Variants in ANO4 observed in about 807,000 individuals in gnomAD.
ANO4 encodes anoctamin 4.
ANO4 carries 69 observed loss-of-function variants against 141.9 expected under a neutral mutation model. That is an observed-to-expected ratio of 0.49 (90% CI 0.40 to 0.59). ANO4 has a LOEUF of 0.59. ANO4 is among the 20% of genes least tolerant of loss of function. The pLI is 0.00. For missense variants in ANO4, 894 were observed against 1,162.2 expected, an observed-to-expected ratio of 0.77 and a Z score of 3.36; for synonymous variants, 350 against 394.3, an observed-to-expected ratio of 0.89 and a Z score of 1.33.
chr12:100,975,964 A>G (rs1461851857), intron 7 of ANO4, among the ~76,000 whole-genome samples: 1 of 147,648 alleles, frequency 6.8e-6, no homozygotes, highest in Non-Finnish European at 1.5e-5. Context: ...AACCCACCAG[A>G]TGAAGATTGC....
chr12:101,083,723 C>T lies in ANO4; in HGVS notation c.1441C>T (p.Arg481Trp), dbSNP rs765804915. 9.3e-6 allele frequency: 15 copies of T among 1,608,452 alleles called. No homozygotes were observed. The highest frequency in any genetic ancestry group is 4.0e-5 in the African/African-American group (3 of 74,548). ...TGAAGCCAAGTATTCCAAGAAAGAGCGGATGAATCCAATTTCTGGAAAGCC... is the reference window on the plus strand; with the variant it reads ...TGAAGCCAAGTATTCCAAGAAAGAGTGGATGAATCCAATTTCTGGAAAGCC... ...QFEAKYSKKE[R>W]MNPISGKPEP... Residue 481 changes from arginine to tryptophan, a missense_variant, in exon 16 of 28, where the codon CGG (arginine) becomes TGG (tryptophan). Physicochemically the swap from Arg to Trp is moderately radical, Grantham distance 101 (BLOSUM62 -3). Transcript: ENST00000392977.
intron 1 of ANO4, among the ~76,000 whole-genome samples, chr12:100,888,034 A>G (rs2039923512): frequency 6.6e-6 from 1 of 152,212 alleles, no homozygotes; most frequent in East Asian, 1.9e-4. Flanking sequence ...ATTAAGTATC[A>G]CAGGGTGAGA....
At chr12:101,051,025 A>G (rs1360489268) in intron 14 of ANO4, among the ~76,000 whole-genome samples, 1 of 152,202 alleles carries the variant, frequency 6.6e-6, no homozygotes, top group Non-Finnish European at 1.5e-5. Context: ...GAATTAAATA[A>G]TGGTTTCTTC....
intron 2 of ANO4, among the ~76,000 whole-genome samples, chr12:100,908,125 C>T (rs565769427): frequency 5.9e-5 from 9 of 152,138 alleles, no homozygotes; most frequent in East Asian, 3.9e-4. Flanking sequence ...TTTGGGAGGC[C>T]GAGGCGGGTG....
chr12:100,881,260 T>C (rs1291113025), intron 1 of ANO4, among the ~76,000 whole-genome samples: 1 of 151,488 alleles, frequency 6.6e-6, no homozygotes, highest in Non-Finnish European at 1.5e-5. Flanking sequence ...GTTGTGCACA[T>C]GTACCCTAAA....
At chr12:100,831,788 GA>G (rs1193448404) in intron 1 of ANO4, among the ~76,000 whole-genome samples, 1 of 152,030 alleles carries the variant, frequency 6.6e-6, no homozygotes, top group African/African-American at 2.4e-5. Context: ...ACTTAGCTGT[GA>G]CCCTTTGAAC....
chr12:101,051,880 A>G (rs2047887693), intron 14 of ANO4, among the ~76,000 whole-genome samples: 1 of 152,210 alleles, frequency 6.6e-6, no homozygotes, highest in Admixed American at 6.5e-5. Context: ...AGCCTCATTT[A>G]TCCTGCTTTG....
rs142564504 is a variant in ANO4 at position 100,874,754 on chromosome 12, A to T, written c.-140-26892A>T. Among the ~76,000 whole-genome samples, 871 of 152,154 alleles carry T rather than the reference A, an allele frequency of 5.7e-3. 10 individuals carry two copies. The highest frequency in any genetic ancestry group is 0.02 in the African/African-American group (821 of 41,512). On this transcript the variant is annotated intron_variant, in intron 1 of 27. Coordinates refer to ENST00000392977, the MANE Select transcript of ANO4 (RefSeq NM_001286615.2). ...AGGCTGGTCTCAAACTCCTGGCCTC[A>T]AGTCATCTGCCCGCCTCAGCCTCCC...
At chr12:100,970,663 CTCCTT>C (rs1352768562) in intron 5 of ANO4, among the ~76,000 whole-genome samples, 8 of 91,666 alleles carry the variant, frequency 8.7e-5, no homozygotes, top group South Asian at 4.4e-4. Flanking sequence ...CTCCCTCCCT[CTCCTT>C]CCTTCCTTCC....
intron 1 of ANO4, among the ~76,000 whole-genome samples, chr12:100,831,321 C>G (rs2036620157): frequency 6.6e-6 from 1 of 152,102 alleles, no homozygotes; most frequent in South Asian, 2.1e-4. Flanking sequence ...GACTCCTCCC[C>G]TGTCAAAAAG....
In ANO4 at chr12:100,927,970, G is replaced by A. The variant is rs1394484271; in HGVS notation, c.160+5640G>A. Among the ~76,000 whole-genome samples, 4 of 152,120 alleles carry A rather than the reference G, an allele frequency of 2.6e-5. No individual in the cohort carries two copies. The East Asian group carries it at 7.7e-4, about 29-fold the overall frequency. Reference sequence around the variant, plus strand: ...GTTATCCTGCAGTCTGTTTGTGCTTGCACGTGTGTCTACATAATCATATAG... The same window carrying A: ...GTTATCCTGCAGTCTGTTTGTGCTTACACGTGTGTCTACATAATCATATAG... On this transcript the variant is annotated intron_variant, in intron 3 of 27. Transcript: ENST00000392977.
chr12:100,865,340 A>G (rs966541448), intron 1 of ANO4, among the ~76,000 whole-genome samples: 13 of 152,238 alleles, frequency 8.5e-5, no homozygotes, highest in Admixed American at 7.2e-4. Flanking sequence ...GAACTTCTGC[A>G]CAGCTAAAGA....
chr12:101,063,743 ATCTTTTTT>A (rs1403032018), intron 14 of ANO4, among the ~76,000 whole-genome samples: 8 of 12,092 alleles, frequency 6.6e-4, no homozygotes, highest in Non-Finnish European at 1.3e-3. Context: ...TGTCCAGGTT[ATCTTTTTT>A]TTTTTTTTTT....
intron 14 of ANO4, among the ~76,000 whole-genome samples, chr12:101,071,172 A>G (rs958437746): frequency 3.9e-5 from 6 of 152,164 alleles, no homozygotes; most frequent in African/African-American, 1.4e-4. Context: ...TCAGGTATAT[A>G]TTCAAAAGAA....
rs563522400 is a variant in ANO4, at chr12:100,873,069, A to G, written c.-140-28577A>G. ...GCCTGCTTCCCTTTTGCCTTCTGCC[A>G]TGGTTTTAAGTTTCTTGAGGCCTCC... On this transcript the variant is annotated intron_variant, in intron 1 of 27. Transcript: ENST00000392977. Among the ~76,000 whole-genome samples, 121 of 152,230 alleles carry G rather than the reference A, an allele frequency of 7.9e-4. 1 individual carries two copies. The highest frequency in any genetic ancestry group is 2.8e-3 in the African/African-American group (117 of 41,536).
intron 1 of ANO4, among the ~76,000 whole-genome samples, chr12:100,860,270 C>A (rs1259221249): frequency 3.9e-5 from 6 of 152,086 alleles, no homozygotes; most frequent in Admixed American, 3.9e-4. Context: ...AAAGCTTGGC[C>A]AGTGTATAGT....
chr12:100,808,267 G>A (rs1457085914), intron 1 of ANO4, among the ~76,000 whole-genome samples: 1 of 152,140 alleles, frequency 6.6e-6, no homozygotes, highest in Admixed American at 6.6e-5. Context: ...TCTGACTGGT[G>A]TGAGATGGTG....
intron 8 of ANO4, among the ~76,000 whole-genome samples, chr12:101,006,154 T>TCTA (rs2045862711): frequency 6.6e-6 from 1 of 152,216 alleles, no homozygotes; most frequent in African/African-American, 2.4e-5. Context: ...CCAGCCTTTT[T>TCTA]CTACTGTGAT....
chr12:100,816,804 G>A (rs763556024), intron 1 of ANO4, among the ~76,000 whole-genome samples: 2 of 151,848 alleles, frequency 1.3e-5, no homozygotes, highest in African/African-American at 2.4e-5. Context: ...AAGTTTTGAT[G>A]TGTATATTTT....
Sources: allele counts gnomAD v4.1 joint callset (sites outside exome capture counted in the v4.1 genomes callset), GRCh38; gene constraint gnomAD v4.1.1; transcripts MANE v1.5; gene names NCBI Gene and HGNC (gene_info 2026-07-23, HGNC 2026-07-21).